TIMMDC1: variants seen among roughly 807,000 people sequenced by gnomAD.
TIMMDC1 encodes translocase of inner mitochondrial membrane domain containing 1, also known as complex I assembly factor TIMMDC1, mitochondrial.
TIMMDC1 carries 25 observed loss-of-function variants against 32.6 expected under a neutral mutation model. The ratio of observed to expected loss-of-function variants is 0.77; its 90% CI spans 0.56 to 1.07. TIMMDC1 has a LOEUF of 1.07. Among genes scored for constraint, TIMMDC1 ranks in the 50% least tolerant of loss-of-function variants. The pLI is 0.00. For missense variants in TIMMDC1, 329 were observed against 349.2 expected (o/e 0.94, Z 0.46); for synonymous variants, 130 against 127.6 (o/e 1.02, Z -0.13).
intron 6 of TIMMDC1, among the ~76,000 whole-genome samples, chr3:119,521,022 T>TA (rs1253301222): frequency 4.9e-4 from 75 of 152,032 alleles, no homozygotes; most frequent in Non-Finnish European, 9.4e-4. Flanking sequence ...AAGCATTTGG[T>TA]AAAATTGAAC....
At chr3:119,518,254 A>G (rs1355230031) in intron 6 of TIMMDC1, among the ~76,000 whole-genome samples, 1 of 152,210 alleles carries the variant, frequency 6.6e-6, no homozygotes, top group East Asian at 1.9e-4. Flanking sequence ...GCTCCTGAGT[A>G]CAAATGATTT....
chr3:119,502,899 T>C (rs1484483696), intron 2 of TIMMDC1, among the ~76,000 whole-genome samples: 2 of 152,212 alleles, frequency 1.3e-5, no homozygotes, highest in Non-Finnish European at 2.9e-5. Context: ...GTAACAATTA[T>C]GACTGTGGTG....
intron 5 of TIMMDC1, among the ~76,000 whole-genome samples, chr3:119,516,058 G>C (rs1023581865): frequency 2.0e-5 from 3 of 152,152 alleles, no homozygotes; most frequent in African/African-American, 7.2e-5. Context: ...GGTTTGAAGG[G>C]AAAAGTTGTA....
At chr3:119,518,790 T>TC (rs1417320520) in intron 6 of TIMMDC1, among the ~76,000 whole-genome samples, 3 of 151,482 alleles carry the variant, frequency 2.0e-5, no homozygotes, top group Non-Finnish European at 2.9e-5. Flanking sequence ...ACCATTTACC[T>TC]CCCCCCATCA....
At chr3:119,521,112 ACT>A (rs2082023907) in intron 6 of TIMMDC1, among the ~76,000 whole-genome samples, 1 of 152,220 alleles carries the variant, frequency 6.6e-6, no homozygotes, top group African/African-American at 2.4e-5. Context: ...TATATGTCAA[ACT>A]CACAGCTAAT....
chr3:119,517,442 C>A, intron 6 of TIMMDC1, 127 bp downstream of exon 6: 1 of 628,482 alleles, frequency 1.6e-6, no homozygotes, highest in East Asian at 2.6e-5. Context: ...TTTACCAAGT[C>A]CTTCAACTCA....
intron 4 of TIMMDC1, among the ~76,000 whole-genome samples, chr3:119,513,080 G>A (rs1420184261): frequency 1.3e-5 from 2 of 152,172 alleles, no homozygotes; most frequent in African/African-American, 4.8e-5. Context: ...ACCTTAGATG[G>A]CATTAGTTGC....
intron 2 of TIMMDC1, 145 bp from the exon 3 acceptor site, chr3:119,503,387 G>A (rs2081892924): frequency 3.4e-6 from 2 of 593,294 alleles, no homozygotes; most frequent in Non-Finnish European, 5.7e-6. Flanking sequence ...AATACTTAAA[G>A]AATAGTATTT....
In TIMMDC1 at chr3:119,504,018, G is replaced by T; in HGVS notation, c.514G>T (p.Gly172Ter). The change falls in exon 4 of 7, where the codon GGA (glycine) becomes TGA (stop). Residue 172 changes from glycine to a stop codon, truncating the protein, a stop_gained. Transcript: ENST00000494664. LOFTEE classifies it high-confidence loss of function. Reference sequence around the variant, plus strand: ...TGCCTTAAGCCATTTTGTAATTGCAGGAGGTAAGACATTTTTGTTTATATT... The same window carrying T: ...TGCCTTAAGCCATTTTGTAATTGCATGAGGTAAGACATTTTTGTTTATATT... ...KDALSHFVIAGAVTGSLFRIN... is the reference protein window; with the variant it reads ...KDALSHFVIA The T allele has an allele frequency of 6.2e-7, 1 of 1,609,772 alleles. No individual in the cohort carries two copies. The highest frequency in any genetic ancestry group is 8.5e-7 in the Non-Finnish European group (1 of 1,176,182).
intron 5 of TIMMDC1, among the ~76,000 whole-genome samples, chr3:119,515,374 A>G (rs1263892640): frequency 6.6e-6 from 1 of 152,140 alleles, no homozygotes; most frequent in African/African-American, 2.4e-5. Context: ...AACCAGCTAC[A>G]GCACATTAAC....
intron 5 of TIMMDC1, among the ~76,000 whole-genome samples, chr3:119,516,254 C>CAT (rs1361690263): frequency 2.0e-5 from 3 of 151,628 alleles, no homozygotes; most frequent in African/African-American, 7.2e-5. Flanking sequence ...TTCCCCTCCC[C>CAT]ATACCCTCCA....
rs533936185 is a variant in TIMMDC1, at chr3:119,506,495, GGCGA to G, written c.517+2475_517+2478del. ...GATCATGCCACCTCATTCCAGCCTGGGCGACAGAGCGAGACCCTGTCTCAAAAAA... is the reference window on the plus strand; with the variant it reads ...GATCATGCCACCTCATTCCAGCCTGGCAGAGCGAGACCCTGTCTCAAAAAA... On this transcript the variant is annotated intron_variant, in intron 4 of 6. Coordinates refer to ENST00000494664, the MANE Select transcript of TIMMDC1 (RefSeq NM_016589.4). Among the ~76,000 whole-genome samples, 543 of 150,900 alleles carry G rather than the reference GGCGA, an allele frequency of 3.6e-3. 2 individuals are homozygous for G. The highest frequency in any genetic ancestry group is 0.011 in the African/African-American group (435 of 40,764).
At chr3:119,500,991 C>CTTCCACTG in intron 2 of TIMMDC1, 131 bp downstream of exon 2, 1 of 844,876 alleles carries the variant, frequency 1.2e-6, no homozygotes, top group Non-Finnish European at 1.8e-6. Context: ...AAAGTCTGTA[C>CTTCCACTG]TTAATAACAG....
rs1459832392 is a variant in TIMMDC1 at position 119,524,147 on chromosome 3, C to T, written c.*391C>T. ...TCACTGGAAAGAGGAGAGGAAAGAACCAGGTAGGCAAATGGTCTGTGAAAC... is the reference window on the plus strand; with the variant it reads ...TCACTGGAAAGAGGAGAGGAAAGAATCAGGTAGGCAAATGGTCTGTGAAAC... On this transcript the variant is annotated 3_prime_UTR_variant, in exon 7 of 7. Transcript: ENST00000494664. 1 of 154,930 alleles carries T rather than the reference C, an allele frequency of 6.5e-6. No homozygotes were observed. The highest frequency in any genetic ancestry group is 1.4e-5 in the Non-Finnish European group (1 of 69,778). The allele number at this position is 154,930 out of a possible 1,614,324, so 9.6% of individuals were successfully genotyped here.
chr3:119,499,491 C>G (rs913858664), intron 1 of TIMMDC1, among the ~76,000 whole-genome samples: 2 of 150,982 alleles, frequency 1.3e-5, no homozygotes, highest in East Asian at 1.9e-4. Flanking sequence ...GATCTTGGCT[C>G]ACTGCACTCT....
At chr3:119,500,315 CTT>C (rs2081861303) in intron 1 of TIMMDC1, 1 of 156,986 alleles carries the variant, frequency 6.4e-6, no homozygotes. Flanking sequence ...TTTTAAAAAA[CTT>C]TTTATTGGAG....
Position 119,523,743 on chromosome 3 carries a change from A to G in TIMMDC1, c.845A>G (p.Gln282Arg). Residue 282 changes from glutamine (Q) to arginine (R), a missense_variant, in exon 7 of 7, where the codon CAA (glutamine) becomes CGA (arginine). By Grantham distance (43) the Gln-to-Arg change is conservative (BLOSUM62 1). Transcript: ENST00000494664. ...LPRNPSVIDK[Q>R]DKD The stretch of plus-strand genomic sequence containing the variant: ...AGAAACCCTTCAGTAATAGATAAAC[A>G]AGACAAGGACTGAAAGTGCTCTGAA... 2 of 1,607,174 alleles carry G rather than the reference A, an allele frequency of 1.2e-6. No homozygotes were observed. The highest frequency in any genetic ancestry group is 1.1e-5 in the South Asian group (1 of 89,766).
chr3:119,500,930 A>G, intron 2 of TIMMDC1, 70 bp downstream of exon 2: 1 of 1,487,094 alleles, frequency 6.7e-7, no homozygotes, highest in East Asian at 2.3e-5. Flanking sequence ...TTAATCATTC[A>G]ATTAGGTTGT....
At chr3:119,517,168 T>C (rs778244570) in intron 5 of TIMMDC1, 37 bp from the exon 6 acceptor site, 31 of 1,375,164 alleles carry the variant, frequency 2.3e-5, no homozygotes, top group Non-Finnish European at 3.2e-5. Flanking sequence ...GTCTAATGAC[T>C]CGTTTTTCCT....
Sources: allele counts gnomAD v4.1 joint callset (sites outside exome capture counted in the v4.1 genomes callset), GRCh38; gene constraint gnomAD v4.1.1; transcripts MANE v1.5; gene names NCBI Gene and HGNC (gene_info 2026-07-23, HGNC 2026-07-21).